TRPM8: variants seen among roughly 807,000 people sequenced by gnomAD.
The protein encoded by TRPM8 is transient receptor potential cation channel subfamily M member 8.
In TRPM8, 110 loss-of-function variants were observed where a neutral mutation model predicts 133.7. That is an observed-to-expected ratio of 0.82 (90% CI 0.70 to 0.96). The LOEUF is 0.96. Among genes scored for constraint, TRPM8 ranks in the 40% least tolerant of loss-of-function variants. The pLI is 0.00. For missense variants in TRPM8, 1,291 were observed against 1,379.5 expected (o/e 0.94, Z 1.02); for synonymous variants, 535 against 532.3 (o/e 1.01, Z -0.07).
chr2:233,972,195 A>G (rs2125234252), intron 17 of TRPM8, among the ~76,000 whole-genome samples: 1 of 152,066 alleles, frequency 6.6e-6, no homozygotes, highest in East Asian at 1.9e-4. Flanking sequence ...CCTGAGCTAG[A>G]CATAAAGGTT....
intron 1 of TRPM8, among the ~76,000 whole-genome samples, chr2:233,920,233 C>G (rs142910122): frequency 7.6e-4 from 116 of 152,176 alleles, no homozygotes; most frequent in African/African-American, 2.6e-3. Context: ...TATGGTAGGT[C>G]TATCGTGAAG....
At chr2:233,932,528 G>A (rs1383606073) in intron 3 of TRPM8, among the ~76,000 whole-genome samples, 1 of 152,154 alleles carries the variant, frequency 6.6e-6, no homozygotes, top group Non-Finnish European at 1.5e-5. Flanking sequence ...ATGCAGAAAG[G>A]CATGATTCCT....
chr2:233,971,872 C>A (rs899986387), intron 17 of TRPM8, among the ~76,000 whole-genome samples: 1 of 151,382 alleles, frequency 6.6e-6, no homozygotes, highest in East Asian at 2.0e-4. Context: ...TGCTGGCTCG[C>A]GCAGCCTGCT....
chr2:233,978,082 T>TTTA (rs57395183), intron 17 of TRPM8, among the ~76,000 whole-genome samples: 30,766 of 114,210 alleles, frequency 0.27, 3,541 homozygotes, highest in Admixed American at 0.33. Flanking sequence ...TACAATTTGC[T>TTTA]TTTTTTTTTT....
intron 21 of TRPM8, among the ~76,000 whole-genome samples, chr2:233,992,305 T>C (rs1692299520): frequency 6.6e-6 from 1 of 152,046 alleles, no homozygotes; most frequent in Non-Finnish European, 1.5e-5. Context: ...CAGAAAAGGA[T>C]GTTATATGTT....
chr2:233,937,191 C>T (rs184735058), intron 3 of TRPM8, 162 bp from the exon 4 acceptor site: 378 of 841,350 alleles, frequency 4.5e-4, no homozygotes, highest in Admixed American at 1.3e-3. Flanking sequence ...CCACCGCACC[C>T]GTCCACATCA....
chr2:234,013,552 A>G (rs1692890417), intron 24 of TRPM8: 1 of 151,904 alleles, frequency 6.6e-6, no homozygotes, highest in South Asian at 2.1e-4. Context: ...GATTTTGTTT[A>G]TCTTTTCAAA....
At chr2:233,995,793 A>T (rs1029847982) in intron 21 of TRPM8, among the ~76,000 whole-genome samples, 2 of 152,118 alleles carry the variant, frequency 1.3e-5, no homozygotes, top group Non-Finnish European at 2.9e-5. Context: ...ATGCATATAT[A>T]TTCATTTACA....
At position 233,989,568 on chromosome 2, in the gene TRPM8, T is replaced by C. The variant is rs1692224836; in HGVS notation, c.2939+3703T>C. Among the ~76,000 whole-genome samples the C allele has an allele frequency of 1.3e-5, 2 of 152,224 alleles. No homozygotes were observed. Among genetic ancestry groups the C allele is most frequent in the Non-Finnish European group, 2.9e-5 (2 of 68,038 alleles). ...ACACTGTTTCTGATCATTTTTAAAG[T>C]TGTTCAGGGCTTACTCTGTGAGCAG... On this transcript the variant is annotated intron_variant, in intron 21 of 25. Coordinates refer to ENST00000324695, the MANE Select transcript of TRPM8 (RefSeq NM_024080.5). The surrounding 1 kb of genome is among the most constrained non-coding windows in gnomAD (Gnocchi z 4.2).
chr2:233,955,273 T>C (rs199815566), intron 11 of TRPM8, 23 bp downstream of exon 11: 9 of 1,586,050 alleles, frequency 5.7e-6, no homozygotes, highest in Non-Finnish European at 7.8e-6. Flanking sequence ...CTCTCCTGGG[T>C]TATTCCAGTG....
chr2:233,954,036 C>A lies in TRPM8; in HGVS notation c.1243+17C>A, dbSNP rs1241258653. On this transcript the variant is annotated intron_variant, in intron 10 of 25. Coordinates refer to ENST00000324695, the MANE Select transcript of TRPM8 (RefSeq NM_024080.5). ...TATACAAAGGTGAGTAAAAATAGCT[C>A]CTTTTGAAGTGTCAGCTTTGTGTTG... 6.5e-7 allele frequency: 1 copy of A among 1,550,340 alleles called. No homozygotes were observed. Among genetic ancestry groups the A allele is most frequent in the Non-Finnish European group, 8.8e-7 (1 of 1,140,200 alleles).
intron 17 of TRPM8, among the ~76,000 whole-genome samples, chr2:233,972,816 C>A (rs1445378439): frequency 1.3e-5 from 2 of 152,192 alleles, no homozygotes; most frequent in Non-Finnish European, 2.9e-5. Context: ...CCCGCAAGCT[C>A]CACACGCAGC....
Position 233,960,989 on chromosome 2 carries a change from A to C in TRPM8, c.1576A>C (p.Lys526Gln). The change falls in exon 12 of 26, where the codon AAA becomes CAA. Residue 526 changes from lysine (K) to glutamine (Q), a missense_variant. Lys to Gln is a moderately conservative substitution (Grantham distance 53). Coordinates refer to ENST00000324695, the MANE Select transcript of TRPM8 (RefSeq NM_024080.5). The stretch of plus-strand genomic sequence containing the variant: ...TGATGCCCTCCTCACGTTTGTCTGG[A>C]AACTGGTTGCGAACTTCCGAAGAGG... ...YNDALLTFVW[K>Q]LVANFRRGFR... 1 of 1,614,142 alleles carries C rather than the reference A, an allele frequency of 6.2e-7. No individual in the cohort carries two copies. The highest frequency in any genetic ancestry group is 8.5e-7 in the Non-Finnish European group (1 of 1,180,016).
chr2:233,984,724 G>T (rs1190804806), intron 20 of TRPM8, among the ~76,000 whole-genome samples: 3 of 152,172 alleles, frequency 2.0e-5, no homozygotes, highest in African/African-American at 7.2e-5. Flanking sequence ...CTTTGGAAAA[G>T]GGAATCTGAT....
intron 17 of TRPM8, among the ~76,000 whole-genome samples, chr2:233,976,892 A>C (rs564085479): frequency 6.6e-6 from 1 of 152,284 alleles, no homozygotes; most frequent in East Asian, 1.9e-4. Flanking sequence ...TCTGGTCTGC[A>C]GACTCATGCA....
chr2:233,967,404 A>T (rs1164751516), intron 15 of TRPM8, among the ~76,000 whole-genome samples: 1 of 152,204 alleles, frequency 6.6e-6, no homozygotes, highest in Non-Finnish European at 1.5e-5. Flanking sequence ...AAAGGAAGAG[A>T]TGGAGAGACC....
intron 19 of TRPM8, 54 bp downstream of exon 19, chr2:233,981,969 T>C: frequency 6.5e-7 from 1 of 1,533,140 alleles, no homozygotes; most frequent in Non-Finnish European, 8.8e-7. Flanking sequence ...CCCAGAGTTC[T>C]TTTAATGGTC....
intron 17 of TRPM8, 41 bp from the exon 18 acceptor site, chr2:233,980,147 C>G: frequency 2.2e-6 from 3 of 1,341,192 alleles, no homozygotes; most frequent in Non-Finnish European, 3.2e-6. Context: ...GTTGATATTT[C>G]CAAGCTGCTG....
At chr2:234,010,488 A>G (rs937331219) in intron 24 of TRPM8, among the ~76,000 whole-genome samples, 1 of 152,138 alleles carries the variant, frequency 6.6e-6, no homozygotes, top group Non-Finnish European at 1.5e-5. Flanking sequence ...ATTCTTTTGG[A>G]CCTAAACCCA....
Sources: gnomAD v4.1 joint callset for allele counts (sites outside exome capture counted in the v4.1 genomes callset) on GRCh38, gnomAD v4.1.1 for gene constraint, Gnocchi (gnomAD v3.1) non-coding constraint, MANE v1.5 for transcripts, NCBI Gene and HGNC (gene_info 2026-07-23, HGNC 2026-07-21) for gene names.